The following ABCF3 variants were observed in gnomAD, a reference collection of about 807,000 sequenced individuals.
The protein encoded by ABCF3 is ATP-binding cassette sub-family F member 3.
A neutral mutation model predicts 94.3 loss-of-function variants in ABCF3; 62 were observed. The observed-to-expected ratio is 0.66, with a 90% confidence interval of 0.54 to 0.81. The LOEUF (loss-of-function observed/expected upper bound fraction) is 0.81. Among genes scored for constraint, ABCF3 ranks in the 40% least tolerant of loss-of-function variants. ABCF3 has a pLI of 0.00. For synonymous variants in ABCF3, 355 were observed against 361.1 expected (o/e 0.98, Z 0.19); for missense variants, 843 against 925.3 (o/e 0.91, Z 1.15).
Position 184,193,790 on chromosome 3 carries a change from C to A in ABCF3, c.*92C>A. The A allele has an allele frequency of 7.1e-7, 1 of 1,404,362 alleles. No homozygotes were observed. Among genetic ancestry groups the A allele is most frequent in the South Asian group, 1.5e-5 (1 of 68,050 alleles). 87.0% of individuals were successfully genotyped at this position (1,404,362 alleles called of 1,614,324 possible). A position where few individuals can be genotyped will look rare whatever the true frequency, so the allele number is the denominator to read the frequency against. ...GCCACCACTCCAGGCCGTGGACTTCCCCCAACTTGGGGACAGCCTTATTCC... is the reference window on the plus strand; with the variant it reads ...GCCACCACTCCAGGCCGTGGACTTCACCCAACTTGGGGACAGCCTTATTCC... On this transcript the variant is annotated 3_prime_UTR_variant, in exon 21 of 21. Coordinates refer to ENST00000429586, the MANE Select transcript of ABCF3 (RefSeq NM_018358.3). The surrounding 1 kb of genome is among the most constrained non-coding windows in gnomAD (Gnocchi z 5.2).
In ABCF3 at chr3:184,193,381, C is replaced by T. The variant is rs1220557454; in HGVS notation, c.1900C>T (p.Leu634=). 2 of 1,614,080 alleles carry T rather than the reference C, an allele frequency of 1.2e-6. No individual in the cohort carries two copies. The highest frequency in any genetic ancestry group is 2.2e-5 in the East Asian group (1 of 44,874). Residue 634 remains leucine (L), a synonymous_variant, in exon 20 of 21, where the codon CTG becomes TTG. Transcript: ENST00000429586. This position sits in a 1 kb window ranked among gnomAD's most constrained non-coding sequence, Gnocchi z 5.2. ...MTMPCPNFYI[L]DEPTNHLDME... ...GCCTTCCAGCCCCAACTTCTACATTCTGGATGAACCCACAAACCACCTGGA... is the reference window on the plus strand; with the variant it reads ...GCCTTCCAGCCCCAACTTCTACATTTTGGATGAACCCACAAACCACCTGGA...
rs151176558 is a variant in ABCF3, at chr3:184,191,035, C to T, written c.1428C>T (p.Val476=). 1.2e-4 allele frequency: 186 copies of T among 1,614,148 alleles called. No homozygotes were observed. In the East Asian group the frequency reaches 3.5e-3, roughly 30 times the overall value. ...ELKPVDKESE[V]VMKFPDGFEK... is the part of the protein sequence containing the mutation. ...AGCCTGTGGACAAGGAATCAGAGGT[C>T]GTAATGAAGTAAGTGCTGGGCCAGT... Residue 476 remains valine (V), a synonymous_variant, in exon 15 of 21, where the codon GTC becomes GTT. Coordinates refer to ENST00000429586, the MANE Select transcript of ABCF3 (RefSeq NM_018358.3).
rs1037143883 is a variant in ABCF3, at chr3:184,192,785, A to C, written c.1659-20A>C. The C allele has an allele frequency of 6.2e-7, 1 of 1,613,144 alleles. No homozygotes were observed. Among genetic ancestry groups the C allele is most frequent in the Non-Finnish European group, 8.5e-7 (1 of 1,179,504 alleles). On this transcript the variant is annotated intron_variant, in intron 17 of 20. Coordinates refer to ENST00000429586, the MANE Select transcript of ABCF3 (RefSeq NM_018358.3). ...GGCCATTGCCTTTGTCTGTTTTTCCACCTCGGCTTCTGCCTGCAGGAATCT... is the reference window on the plus strand; with the variant it reads ...GGCCATTGCCTTTGTCTGTTTTTCCCCCTCGGCTTCTGCCTGCAGGAATCT...
In ABCF3 at chr3:184,193,301, C is replaced by G; in HGVS notation, c.1884-64C>G. The G allele has an allele frequency of 1.2e-6, 2 of 1,611,686 alleles. No individual in the cohort carries two copies. Among genetic ancestry groups the G allele is most frequent in the East Asian group, 4.5e-5 (2 of 44,866 alleles). On this transcript the variant is annotated intron_variant, in intron 19 of 20. Coordinates refer to ENST00000429586, the MANE Select transcript of ABCF3 (RefSeq NM_018358.3). The surrounding 1 kb of genome is among the most constrained non-coding windows in gnomAD (Gnocchi z 5.2). Reference sequence around the variant, plus strand: ...CTTCTTGCCCAGTAGAAAACTGTATCAGAAGGCTTTATTTTCTCTCACCGC... The same window carrying G: ...CTTCTTGCCCAGTAGAAAACTGTATGAGAAGGCTTTATTTTCTCTCACCGC...
rs772174151 is a variant in ABCF3, at chr3:184,188,946, C to A, written c.935C>A (p.Ala312Asp). 2 of 1,614,254 alleles carry A rather than the reference C, an allele frequency of 1.2e-6. No homozygotes were observed. Among genetic ancestry groups the A allele is most frequent in the Non-Finnish European group, 8.5e-7 (1 of 1,180,046 alleles). The part of the protein sequence containing the change: ...KAPARASVIL[A>D]GLGFTPKMQQ... The stretch of plus-strand genomic sequence containing the variant: ...TCTACTAGGGCATCAGTCATTCTCG[C>A]TGGGCTTGGCTTTACCCCTAAAATG... The change falls in exon 9 of 21, where the codon GCT becomes GAT. Residue 312 changes from alanine to aspartate, a missense_variant. Physicochemically the swap from Ala to Asp is moderately radical, Grantham distance 126. Transcript: ENST00000429586.
intron 3 of ABCF3, 180 bp from the exon 4 acceptor site, chr3:184,187,217 A>AGTTTT (rs61291330): frequency 7.8e-4 from 581 of 742,634 alleles, no homozygotes; most frequent in African/African-American, 3.7e-3. Flanking sequence ...CTTCTACGTG[A>AGTTTT]GTTTTGTTTT....
intron 16 of ABCF3, among the ~76,000 whole-genome samples, 185 bp from the exon 17 acceptor site, chr3:184,192,416 A>T (rs562590400): frequency 1.2e-3 from 181 of 152,248 alleles, no homozygotes; most frequent in African/African-American, 4.2e-3. Context: ...GTTTCAGTTA[A>T]CCAACCTCTC....
Position 184,189,777 on chromosome 3 carries a change from T to TG in ABCF3, c.1314+25dup. 6.2e-7 allele frequency: 1 copy of TG among 1,613,946 alleles called. No individual in the cohort carries two copies. Among genetic ancestry groups the TG allele is most frequent in the South Asian group, 1.1e-5 (1 of 91,070 alleles). On this transcript the variant is annotated intron_variant, in intron 13 of 20. Transcript: ENST00000429586. ...ATCCAGGTGTGGGGCCTGGCAGGGC[T>TG]GGGGGTCCCATCCCAGGGGTTCCAG...
rs1715987750 is a variant in ABCF3, at chr3:184,191,043, A to C, written c.1436A>C (p.Lys479Thr). The C allele has an allele frequency of 1.9e-6, 3 of 1,614,060 alleles. No individual in the cohort carries two copies. The highest frequency in any genetic ancestry group is 3.3e-5 in the Admixed American group (2 of 60,002). Reference sequence around the variant, plus strand: ...GACAAGGAATCAGAGGTCGTAATGAAGTAAGTGCTGGGCCAGTGGGGCTGG... The same window carrying C: ...GACAAGGAATCAGAGGTCGTAATGACGTAAGTGCTGGGCCAGTGGGGCTGG... ...PVDKESEVVM[K>T]FPDGFEKFSP... The change falls in exon 15 of 21, where the codon AAG becomes ACG. Residue 479 changes from lysine to threonine, a missense_variant and splice_region_variant. Transcript: ENST00000429586.
chr3:184,190,302 G>A, intron 14 of ABCF3: 1 of 282,450 alleles, frequency 3.5e-6, no homozygotes, highest in Non-Finnish European at 6.8e-6. Flanking sequence ...ATAATATTCT[G>A]TTGTGTGGAT....
chr3:184,187,866 TAGA>T lies in ABCF3; in HGVS notation c.456_458del (p.Glu153del), dbSNP rs747302667. On this transcript the variant is annotated inframe_deletion, in exon 6 of 21. Transcript: ENST00000429586. ...GTCCATTTCTCCCTTTAAAGAGTCT[TAGA>T]AGAGGCATCAGCCAGCCAGGCAGGC... 6.2e-7 allele frequency: 1 copy of T among 1,614,124 alleles called. No individual in the cohort carries two copies. Among genetic ancestry groups the T allele is most frequent in the East Asian group, 2.2e-5 (1 of 44,882 alleles).
chr3:184,186,866 G>C lies in ABCF3; in HGVS notation c.292G>C (p.Glu98Gln). 6.2e-7 allele frequency: 1 copy of C among 1,613,772 alleles called. No homozygotes were observed. The highest frequency in any genetic ancestry group is 8.5e-7 in the Non-Finnish European group (1 of 1,179,888). Reference protein sequence around the residue: ...DAPIQLSKITENYDCGTKLPG... With the variant: ...DAPIQLSKITQNYDCGTKLPG... ...CCCTATCCAGTTGTCAAAGATAACG[G>C]AGAACTACGGTGAGAGTGAGGGGAG... Residue 98 changes from glutamate (E) to glutamine (Q), a missense_variant, in exon 3 of 21, where the codon GAG (glutamate) becomes CAG (glutamine). Glu to Gln is a conservative substitution (Grantham distance 29). Transcript: ENST00000429586.
chr3:184,187,287 T>C (rs1432569673), intron 3 of ABCF3, 110 bp from the exon 4 acceptor site: 6 of 1,239,810 alleles, frequency 4.8e-6, no homozygotes, highest in African/African-American at 3.0e-5. Flanking sequence ...TGCAGTATTA[T>C]AAGGTTTTGT....
At chr3:184,191,310 G>A (rs1326240050) in intron 16 of ABCF3, 55 bp downstream of exon 16, 1 of 1,608,118 alleles carries the variant, frequency 6.2e-7, no homozygotes, top group African/African-American at 1.3e-5. Context: ...CTAAGTGTGT[G>A]GTGTGGATTG....
Position 184,186,215 on chromosome 3 carries a change from C to G in ABCF3, c.8C>G (p.Thr3Ser). Residue 3 changes from threonine (T) to serine (S), a missense_variant, in exon 1 of 21, where the codon ACT becomes AGT. Thr to Ser is a moderately conservative substitution (Grantham distance 58, BLOSUM62 1). Transcript: ENST00000429586. MATCAEILRSEFP... is the reference protein window; with the variant it reads MASCAEILRSEFP... Reference sequence around the variant, plus strand: ...CGGGTTCCTGAGTGGAACATGGCGACTTGCGCCGAAATCCTGCGGAGCGAG... The same window carrying G: ...CGGGTTCCTGAGTGGAACATGGCGAGTTGCGCCGAAATCCTGCGGAGCGAG... The G allele has an allele frequency of 6.2e-7, 1 of 1,614,196 alleles. No individual in the cohort carries two copies. The highest frequency in any genetic ancestry group is 1.1e-5 in the South Asian group (1 of 91,092).
chr3:184,188,154 G>A lies in ABCF3; in HGVS notation c.583G>A (p.Gly195Arg). 6.2e-7 allele frequency: 1 copy of A among 1,613,912 alleles called. No individual in the cohort carries two copies. The highest frequency in any genetic ancestry group is 8.5e-7 in the Non-Finnish European group (1 of 1,179,934). Reference sequence around the variant, plus strand: ...CCACTCCTGCAGAGTACTGCTGGCTGGAGCGGATGTGAACCTGGCATGGGG... The same window carrying A: ...CCACTCCTGCAGAGTACTGCTGGCTAGAGCGGATGTGAACCTGGCATGGGG... ...VSFGDRVLLA[G>R]ADVNLAWGRR... The change falls in exon 7 of 21, where the codon GGA (glycine) becomes AGA (arginine). Residue 195 changes from glycine (G) to arginine (R), a missense_variant. Coordinates refer to ENST00000429586, the MANE Select transcript of ABCF3 (RefSeq NM_018358.3).
Position 184,193,727 on chromosome 3 carries a change from C to T in ABCF3, c.*29C>T, listed in dbSNP as rs367743725. 2.4e-4 allele frequency: 373 copies of T among 1,561,858 alleles called. 1 individual carries two copies. Among genetic ancestry groups the T allele is most frequent in the Non-Finnish European group, 3.1e-4 (361 of 1,152,354 alleles). ...CACCAGGCTGAGGACTCGCCCAGGA[C>T]ATGGACTGGTCTCTCAGACCCCTGG... On this transcript the variant is annotated 3_prime_UTR_variant, in exon 21 of 21. Transcript: ENST00000429586. The surrounding 1 kb of genome is among the most constrained non-coding windows in gnomAD (Gnocchi z 5.2).
chr3:184,189,377 T>C lies in ABCF3; in HGVS notation c.1058-11T>C. ...CTTCAATCCCAAGTGTGTGCTCCCC[T>C]GCTTCTCCAGAACCTACAAACATGC... On this transcript the variant is annotated splice_polypyrimidine_tract_variant and intron_variant, in intron 11 of 20. Transcript: ENST00000429586. 6.2e-7 allele frequency: 1 copy of C among 1,614,224 alleles called. No homozygotes were observed. Among genetic ancestry groups the C allele is most frequent in the Non-Finnish European group, 8.5e-7 (1 of 1,180,034 alleles).
chr3:184,186,702 G>A, intron 2 of ABCF3, 48 bp downstream of exon 2: 1 of 1,590,724 alleles, frequency 6.3e-7, no homozygotes, highest in African/African-American at 1.3e-5. Flanking sequence ...GACGGCGAAC[G>A]GTCCGGAGAC....
Sources: allele counts gnomAD v4.1 joint callset (sites outside exome capture counted in the v4.1 genomes callset), GRCh38; gene constraint gnomAD v4.1.1; non-coding constraint Gnocchi (gnomAD v3.1); transcripts MANE v1.5; gene names NCBI Gene and HGNC (gene_info 2026-07-23, HGNC 2026-07-21).